ADH5: variants seen among roughly 807,000 people sequenced by gnomAD.
ADH5 encodes alcohol dehydrogenase 5 (class III), chi polypeptide, also known as alcohol dehydrogenase class-3.
In ADH5, 32 loss-of-function variants were observed where a neutral mutation model predicts 40.3. That is an observed-to-expected ratio of 0.79 (90% CI 0.60 to 1.07). ADH5 has a LOEUF of 1.07. ADH5 is among the 50% of genes least tolerant of loss of function. The pLI is 0.00. For missense variants in ADH5, 353 were observed against 460.5 expected (o/e 0.77, Z 2.14); for synonymous variants, 125 against 154.3 (o/e 0.81, Z 1.41).
At chr4:99,081,222 G>C (rs934442862) in intron 4 of ADH5, 143 bp downstream of exon 4, 1 of 456,220 alleles carries the variant, frequency 2.2e-6, no homozygotes, top group Non-Finnish European at 4.0e-6. Flanking sequence ...CTCTTTGTTC[G>C]GGACTCAGTC....
intron 4 of ADH5, chr4:99,079,760 G>C (rs35123946): frequency 0.055 from 15,140 of 277,554 alleles, 534 homozygotes; most frequent in Non-Finnish European, 0.076. Flanking sequence ...CAAGGAGTTA[G>C]GTTATCTCCT....
chr4:99,076,021 C>T, intron 6 of ADH5: 1 of 374,064 alleles, frequency 2.7e-6, no homozygotes, highest in South Asian at 3.1e-5. Flanking sequence ...AAAGATCATG[C>T]TCTGCACAAC....
chr4:99,078,001 T>G (rs1727960213), intron 4 of ADH5, among the ~76,000 whole-genome samples: 1 of 152,254 alleles, frequency 6.6e-6, no homozygotes, highest in Non-Finnish European at 1.5e-5. Context: ...AGATGTTATA[T>G]GAGGCTTTAG....
intron 8 of ADH5, 65 bp downstream of exon 8, chr4:99,072,508 G>A (rs1308065513): frequency 2.9e-5 from 46 of 1,608,374 alleles, no homozygotes; most frequent in Non-Finnish European, 3.5e-5. Context: ...TGTGTTTTTC[G>A]ACTCTCCATC....
intron 4 of ADH5, 90 bp from the exon 5 acceptor site, chr4:99,077,013 A>G (rs1025663971): frequency 2.2e-6 from 2 of 926,824 alleles, no homozygotes; most frequent in South Asian, 3.5e-5. Context: ...ATGACCAGTA[A>G]ATATTAAGAA....
At chr4:99,086,719 C>A (rs1154409) in intron 1 of ADH5, among the ~76,000 whole-genome samples, 18,477 of 151,346 alleles carry the variant, frequency 0.12, 2,316 homozygotes, top group East Asian at 0.72. Flanking sequence ...CCGAGGCGGG[C>A]GGATCACGAG....
At chr4:99,085,663 T>C in intron 1 of ADH5, 2 of 275,802 alleles carry the variant, frequency 7.3e-6, no homozygotes, top group Non-Finnish European at 1.5e-5. Context: ...ATTAGGAGTG[T>C]AACAGTGAGG....
At chr4:99,077,635 T>C (rs1388274585) in intron 4 of ADH5, among the ~76,000 whole-genome samples, 1 of 152,232 alleles carries the variant, frequency 6.6e-6, no homozygotes, top group Non-Finnish European at 1.5e-5. Context: ...AACTGGCTAA[T>C]TTATATCTTT....
Position 99,082,088 on chromosome 4 carries a change from T to G in ADH5, c.143A>C (p.Asp48Ala). ...KIIATAVCHT[D>A]AYTLSGADPE... Reference sequence around the variant, plus strand: ...ATCAGCTCCACTCAGGGTATAGGCATCGGTGTGGCAAACCGCAGTGGCAAT... The same window carrying G: ...ATCAGCTCCACTCAGGGTATAGGCAGCGGTGTGGCAAACCGCAGTGGCAAT... Residue 48 changes from aspartate (D) to alanine (A), a missense_variant, in exon 3 of 9, where the codon GAT becomes GCT. By Grantham distance (126) the Asp-to-Ala change is moderately radical. Transcript: ENST00000296412. The G allele has an allele frequency of 1.2e-6, 2 of 1,613,838 alleles. No homozygotes were observed. Among genetic ancestry groups the G allele is most frequent in the Non-Finnish European group, 1.7e-6 (2 of 1,179,784 alleles).
At chr4:99,077,585 C>G (rs13118409) in intron 4 of ADH5, among the ~76,000 whole-genome samples, 12,811 of 152,218 alleles carry the variant, frequency 0.084, 575 homozygotes, top group Middle Eastern at 0.11. Context: ...GTAGAGATTA[C>G]AAACCATTAA....
intron 7 of ADH5, among the ~76,000 whole-genome samples, chr4:99,073,857 C>T (rs955053409): frequency 6.6e-6 from 1 of 152,192 alleles, no homozygotes; most frequent in African/African-American, 2.4e-5. Flanking sequence ...CCTGGATCAG[C>T]CAGGCTTAGA....
rs747017206 is a variant in ADH5, at chr4:99,081,347, A to G, written c.344+18T>C. 1.3e-6 allele frequency: 2 copies of G among 1,483,706 alleles called. No homozygotes were observed. Among genetic ancestry groups the G allele is most frequent in the Non-Finnish European group, 1.9e-6 (2 of 1,074,692 alleles). 91.9% of individuals were successfully genotyped at this position (1,483,706 alleles called of 1,614,324 possible). A position where few individuals can be genotyped will look rare whatever the true frequency, so the allele number is the denominator to read the frequency against. On this transcript the variant is annotated intron_variant, in intron 4 of 8. Coordinates refer to ENST00000296412, the MANE Select transcript of ADH5 (RefSeq NM_000671.4). ...CCGCAGCACTTGTGTTTTAAGAAGA[A>G]CATAAAAAGATACTAACCTTATCTT...
chr4:99,073,888 A>G (rs1300582516), intron 7 of ADH5, among the ~76,000 whole-genome samples: 1 of 152,208 alleles, frequency 6.6e-6, no homozygotes, highest in African/African-American at 2.4e-5. Context: ...AAATACAGCT[A>G]TGGACTCCAA....
chr4:99,077,968 C>T (rs1727959260), intron 4 of ADH5, among the ~76,000 whole-genome samples: 1 of 152,188 alleles, frequency 6.6e-6, no homozygotes, highest in African/African-American at 2.4e-5. Flanking sequence ...ACTTCCTTTA[C>T]AAATTGCTAT....
At chr4:99,077,666 T>C (rs1727954777) in intron 4 of ADH5, among the ~76,000 whole-genome samples, 1 of 152,240 alleles carries the variant, frequency 6.6e-6, no homozygotes, top group Non-Finnish European at 1.5e-5. Context: ...TTTTCTGAAG[T>C]GTAACTAACA....
At chr4:99,080,321 T>C (rs1728005220) in intron 4 of ADH5, 3 of 205,916 alleles carry the variant, frequency 1.5e-5, no homozygotes, top group South Asian at 1.4e-4. Context: ...AATTTCCAGA[T>C]TATGACAAAC....
At position 99,083,548 on chromosome 4, in the gene ADH5, C is replaced by T. The variant is rs138841235; in HGVS notation, c.115-1432G>A. On this transcript the variant is annotated intron_variant, in intron 2 of 8. Coordinates refer to ENST00000296412, the MANE Select transcript of ADH5 (RefSeq NM_000671.4). ...CTGGGAGGCAGGGGTTGCAGCGAGCCGAGATCGCACCACTGCACTCCAGCC... is the reference window on the plus strand; with the variant it reads ...CTGGGAGGCAGGGGTTGCAGCGAGCTGAGATCGCACCACTGCACTCCAGCC... Among the ~76,000 whole-genome samples the T allele has an allele frequency of 4.2e-3, 606 of 144,866 alleles. 2 individuals are homozygous for T. The highest frequency in any genetic ancestry group is 0.014 in the African/African-American group (553 of 38,542).
intron 1 of ADH5, among the ~76,000 whole-genome samples, chr4:99,086,208 CATA>C (rs1728130984): frequency 6.6e-6 from 1 of 152,014 alleles, no homozygotes; most frequent in African/African-American, 2.4e-5. Flanking sequence ...TGTAATTTAA[CATA>C]ATTAAAATAT....
At chr4:99,079,847 G>A (rs748341474) in intron 4 of ADH5, 8 of 363,982 alleles carry the variant, frequency 2.2e-5, no homozygotes, top group African/African-American at 4.3e-5. Flanking sequence ...AAATGATTTC[G>A]TTTAATCTCA....
Sources: gnomAD v4.1 joint callset for allele counts (sites outside exome capture counted in the v4.1 genomes callset) on GRCh38, gnomAD v4.1.1 for gene constraint, MANE v1.5 for transcripts, NCBI Gene and HGNC (gene_info 2026-07-23, HGNC 2026-07-21) for gene names.